TESK2: variants seen among roughly 807,000 people sequenced by gnomAD.
TESK2 encodes dual specificity testis-specific protein kinase 2.
TESK2 carries 39 observed loss-of-function variants against 57.1 expected under a neutral mutation model. The observed-to-expected ratio is 0.68, with a 90% CI of 0.53 to 0.89. TESK2 has a LOEUF of 0.89. Among genes scored for constraint, TESK2 ranks in the 40% least tolerant of loss-of-function variants. The probability of loss-of-function intolerance (pLI) is 0.00; values close to 1 mark genes in which losing one functional copy is unlikely to be tolerated. For missense variants in TESK2, 646 were observed against 732.1 expected, an observed-to-expected ratio of 0.88 and a Z score of 1.36; for synonymous variants, 249 against 267.9, an observed-to-expected ratio of 0.93 and a Z score of 0.69.
At chr1:45,398,866 C>T (rs1377030555) in intron 3 of TESK2, 3 of 410,290 alleles carry the variant, frequency 7.3e-6, no homozygotes, top group Non-Finnish European at 1.4e-5. Context: ...TTTTCCACAG[C>T]TTCTTCCTTC....
intron 2 of TESK2, among the ~76,000 whole-genome samples, chr1:45,431,253 C>A (rs1650940687): frequency 6.6e-6 from 1 of 152,054 alleles, no homozygotes. Flanking sequence ...TCTGTCTCTA[C>A]TAAAAATACA....
In TESK2 at chr1:45,484,104, C is replaced by CT. The variant is rs533666070; in HGVS notation, c.-87+6747dup. Among the ~76,000 whole-genome samples, 205 of 84,834 alleles carry CT rather than the reference C, an allele frequency of 2.4e-3. 3 individuals carry two copies. The highest frequency in any genetic ancestry group is 7.3e-3 in the South Asian group (18 of 2,478). The allele number at this position is 84,834 out of a possible 152,430, so 55.7% of individuals were successfully genotyped here. A position where few individuals can be genotyped will look rare whatever the true frequency, so the allele number is the denominator to read the frequency against. On this transcript the variant is annotated intron_variant, in intron 1 of 10. Transcript: ENST00000372086. ...CTGTATCATTTCATTTTTAATTCTT[C>CT]TTTTTTTTTTTTTTTTTTTTTGAGA...
chr1:45,346,927 T>C, intron 8 of TESK2, 52 bp downstream of exon 8: 1 of 1,596,846 alleles, frequency 6.3e-7, no homozygotes, highest in East Asian at 2.2e-5. Context: ...AACAGTTCCA[T>C]TGCTTCAAAC....
chr1:45,368,057 C>T (rs371988617), intron 4 of TESK2, among the ~76,000 whole-genome samples: 43 of 133,146 alleles, frequency 3.2e-4, no homozygotes, highest in East Asian at 1.8e-3. Context: ...TGCAATGGCG[C>T]GATCTTGGCT....
At chr1:45,479,706 G>C (rs1653133463) in intron 1 of TESK2, among the ~76,000 whole-genome samples, 1 of 151,228 alleles carries the variant, frequency 6.6e-6, no homozygotes, top group Non-Finnish European at 1.5e-5. Flanking sequence ...TCTGTATAAT[G>C]ATTTACAGTT....
chr1:45,421,643 C>CT (rs1158820347), intron 3 of TESK2, 82 bp downstream of exon 3: 3 of 1,563,204 alleles, frequency 1.9e-6, no homozygotes, highest in East Asian at 2.3e-5. Flanking sequence ...TGAATCCCTC[C>CT]TTTTTTTCCT....
chr1:45,347,929 G>C lies in TESK2; in HGVS notation c.612C>G (p.Ile204Met). 1 of 1,612,666 alleles carries C rather than the reference G, an allele frequency of 6.2e-7. No homozygotes were observed. Among genetic ancestry groups the C allele is most frequent in the Non-Finnish European group, 8.5e-7 (1 of 1,178,656 alleles). The change falls in exon 6 of 11, where the codon ATC becomes ATG. Residue 204 changes from isoleucine to methionine, a missense_variant. Ile to Met is a conservative substitution (Grantham distance 10). Coordinates refer to ENST00000372086, the MANE Select transcript of TESK2 (RefSeq NM_007170.3). ...VVADFGLAEKIPDVSMGSEKL... is the reference protein window; with the variant it reads ...VVADFGLAEKMPDVSMGSEKL... The stretch of plus-strand genomic sequence containing the variant: ...GTAGGGCTACACACCTGACATCGGG[G>C]ATCTTCTCAGCCAGGCCAAAGTCAG...
At chr1:45,367,879 G>A (rs1381678769) in intron 4 of TESK2, among the ~76,000 whole-genome samples, 8 of 145,328 alleles carry the variant, frequency 5.5e-5, no homozygotes, top group African/African-American at 1.8e-4. Flanking sequence ...GGCTGGTCTC[G>A]AACTCCTGAC....
At chr1:45,481,467 C>T (rs1350156280) in intron 1 of TESK2, among the ~76,000 whole-genome samples, 1 of 152,068 alleles carries the variant, frequency 6.6e-6, no homozygotes, top group African/African-American at 2.4e-5. Flanking sequence ...ACAATTGACC[C>T]TTGAACAACA....
intron 4 of TESK2, chr1:45,385,362 A>C (rs1648845386): frequency 1.0e-6 from 1 of 984,986 alleles, no homozygotes; most frequent in South Asian, 4.7e-5. Context: ...TATTCCGCCT[A>C]GCAGAGGCTG....
At chr1:45,386,038 C>T (rs116256830) in intron 3 of TESK2, 78 bp from the exon 4 acceptor site, 18,129 of 1,154,070 alleles carry the variant, frequency 0.016, 176 homozygotes, top group Non-Finnish European at 0.019. Flanking sequence ...AGGTTAGTTA[C>T]CCATGCATTA....
intron 8 of TESK2, 88 bp from the exon 9 acceptor site, chr1:45,346,867 C>T (rs1287880766): frequency 6.5e-7 from 1 of 1,527,924 alleles, no homozygotes; most frequent in South Asian, 1.1e-5. Context: ...TTGGGAGCTG[C>T]CCCTGACAAC....
chr1:45,358,578 AT>A (rs1171460956), intron 4 of TESK2, among the ~76,000 whole-genome samples: 3 of 152,074 alleles, frequency 2.0e-5, no homozygotes, highest in Non-Finnish European at 4.4e-5. Flanking sequence ...AGTTTTGCAT[AT>A]ATTATCTCAT....
intron 1 of TESK2, among the ~76,000 whole-genome samples, chr1:45,465,150 C>A (rs899160597): frequency 1.3e-5 from 2 of 151,970 alleles, no homozygotes; most frequent in African/African-American, 4.8e-5. Context: ...GCATGAGAAT[C>A]ACTTGAACAC....
chr1:45,348,319 C>T (rs1249632068), intron 5 of TESK2, among the ~76,000 whole-genome samples: 2 of 152,242 alleles, frequency 1.3e-5, no homozygotes, highest in Admixed American at 1.3e-4. Flanking sequence ...CCCTTGTCCT[C>T]TTGGAGCTTG....
At chr1:45,364,069 T>C (rs990918566) in intron 4 of TESK2, among the ~76,000 whole-genome samples, 3 of 152,196 alleles carry the variant, frequency 2.0e-5, no homozygotes, top group South Asian at 4.1e-4. Context: ...AATACCAAGA[T>C]GAAGCATCTA....
intron 2 of TESK2, among the ~76,000 whole-genome samples, chr1:45,454,347 C>A (rs763140833): frequency 3.3e-5 from 5 of 151,958 alleles, no homozygotes; most frequent in Non-Finnish European, 5.9e-5. Context: ...ACCATGTGTA[C>A]ATACTTAACA....
chr1:45,367,113 A>T (rs1418168784), intron 4 of TESK2, among the ~76,000 whole-genome samples: 2 of 152,170 alleles, frequency 1.3e-5, no homozygotes, highest in Non-Finnish European at 2.9e-5. Context: ...CAGCCTGGGC[A>T]TTAGAGCCAG....
intron 4 of TESK2, among the ~76,000 whole-genome samples, chr1:45,368,155 C>T (rs1373363639): frequency 2.0e-5 from 3 of 149,902 alleles, no homozygotes; most frequent in African/African-American, 4.9e-5. Context: ...CCACCACACC[C>T]GGCTAATTTT....
Sources: gnomAD v4.1 joint callset for allele counts (sites outside exome capture counted in the v4.1 genomes callset) on GRCh38, gnomAD v4.1.1 for gene constraint, MANE v1.5 for transcripts, NCBI Gene and HGNC (gene_info 2026-07-23, HGNC 2026-07-21) for gene names.